The following CCDC170 variants were observed in gnomAD, a reference collection of about 807,000 sequenced individuals.
CCDC170 encodes the protein coiled-coil domain containing 170, also known as coiled-coil domain-containing protein 170.
CCDC170 carries 69 observed loss-of-function variants against 72.6 expected under a neutral mutation model. The ratio of observed to expected loss-of-function variants is 0.95; its 90% CI spans 0.78 to 1.16. CCDC170 has a LOEUF of 1.16. Among genes scored for constraint, CCDC170 ranks in the 50% most tolerant of loss-of-function variants. The probability of loss-of-function intolerance (pLI) is 0.00; values close to 1 mark genes in which losing one functional copy is unlikely to be tolerated. For missense variants in CCDC170, 852 were observed against 832.5 expected (o/e 1.02, Z -0.29); for synonymous variants, 300 against 303.9 (o/e 0.99, Z 0.13).
intron 6 of CCDC170, among the ~76,000 whole-genome samples, chr6:151,577,952 CTGG>C (rs894178311): frequency 1.3e-5 from 2 of 152,152 alleles, no homozygotes; most frequent in Non-Finnish European, 2.9e-5. Flanking sequence ...GACAAAAAGG[CTGG>C]TGATCTCTGC....
At chr6:151,596,203 C>A in intron 8 of CCDC170, 132 bp from the exon 9 acceptor site, 1 of 1,104,652 alleles carries the variant, frequency 9.1e-7, no homozygotes, top group Non-Finnish European at 1.2e-6. Context: ...AAAAGGAATC[C>A]AATGACTTTT....
At chr6:151,590,083 G>A (rs1387780880) in intron 7 of CCDC170, among the ~76,000 whole-genome samples, 3 of 151,690 alleles carry the variant, frequency 2.0e-5, no homozygotes, top group African/African-American at 2.4e-5. Context: ...TCGAGATTCA[G>A]CTCAAATACC....
At chr6:151,556,434 G>A (rs9397429) in intron 5 of CCDC170, among the ~76,000 whole-genome samples, 21,704 of 152,226 alleles carry the variant, frequency 0.14, 2,011 homozygotes, top group East Asian at 0.46. Context: ...TAGCCTGGGC[G>A]ACAAAGCGAG....
chr6:151,592,837 T>G (rs1776562791), intron 7 of CCDC170, among the ~76,000 whole-genome samples: 1 of 152,212 alleles, frequency 6.6e-6, no homozygotes, highest in South Asian at 2.1e-4. Context: ...ATGTGTTGTT[T>G]GGCAGAGTTA....
chr6:151,592,307 C>T (rs924425586), intron 7 of CCDC170, among the ~76,000 whole-genome samples: 2 of 152,074 alleles, frequency 1.3e-5, no homozygotes, highest in African/African-American at 2.4e-5. Context: ...CTGCAGTGAG[C>T]CAAGATCAAG....
chr6:151,526,519 C>CTTT (rs577450833), intron 1 of CCDC170, among the ~76,000 whole-genome samples: 12,382 of 131,324 alleles, frequency 0.094, 603 homozygotes, highest in Non-Finnish European at 0.11. Flanking sequence ...CCCGCCTGGC[C>CTTT]TTTTTTTTTT....
At chr6:151,605,926 G>A (rs1776776611) in intron 9 of CCDC170, among the ~76,000 whole-genome samples, 3 of 144,778 alleles carry the variant, frequency 2.1e-5, no homozygotes, top group South Asian at 4.4e-4. Context: ...TTTTGAGACA[G>A]AGTCTTACTC....
At chr6:151,597,174 G>C (rs1181607598) in intron 9 of CCDC170, among the ~76,000 whole-genome samples, 1 of 152,026 alleles carries the variant, frequency 6.6e-6, no homozygotes, top group Non-Finnish European at 1.5e-5. Flanking sequence ...GTCCAGGCTA[G>C]AGTGCAGTGG....
chr6:151,534,984 C>G (rs1270745318), intron 1 of CCDC170, among the ~76,000 whole-genome samples: 1 of 152,156 alleles, frequency 6.6e-6, no homozygotes, highest in Non-Finnish European at 1.5e-5. Flanking sequence ...GCCTTGGAAA[C>G]TCCATAGAGG....
chr6:151,577,812 C>T (rs1304582862), intron 6 of CCDC170, among the ~76,000 whole-genome samples: 3 of 152,194 alleles, frequency 2.0e-5, no homozygotes, highest in African/African-American at 4.8e-5. Flanking sequence ...GGAACGTGAA[C>T]GCTATTGCGA....
At chr6:151,602,891 C>G (rs1387020203) in intron 9 of CCDC170, among the ~76,000 whole-genome samples, 5 of 151,848 alleles carry the variant, frequency 3.3e-5, no homozygotes, top group Non-Finnish European at 7.4e-5. Context: ...ACCTCCACCT[C>G]CCAGGTTCAA....
In CCDC170 at chr6:151,510,068, A is replaced by T. The variant is rs576230834; in HGVS notation, c.57+15883A>T. Reference sequence around the variant, plus strand: ...AACCTGGGAGGTGGAGGTTGCGGTGAGAAAAGATTGCACCACAGCCTAGGC... The same window carrying T: ...AACCTGGGAGGTGGAGGTTGCGGTGTGAAAAGATTGCACCACAGCCTAGGC... On this transcript the variant is annotated intron_variant, in intron 1 of 10. Coordinates refer to ENST00000239374, the MANE Select transcript of CCDC170 (RefSeq NM_025059.4). 4.2e-3 allele frequency among the ~76,000 whole-genome samples: 640 copies of T among 152,356 alleles called. 5 individuals are homozygous for T. The highest frequency in any genetic ancestry group is 0.015 in the African/African-American group (612 of 41,590).
chr6:151,585,281 A>C (rs1276311029), intron 6 of CCDC170, among the ~76,000 whole-genome samples: 1 of 152,178 alleles, frequency 6.6e-6, no homozygotes, highest in African/African-American at 2.4e-5. Context: ...ATTTAGAGTC[A>C]CCATATTAAA....
chr6:151,519,950 T>C (rs1782293810), intron 1 of CCDC170, among the ~76,000 whole-genome samples: 1 of 152,230 alleles, frequency 6.6e-6, no homozygotes, highest in Non-Finnish European at 1.5e-5. Flanking sequence ...GCTTCTTTAT[T>C]GCATCCTGTT....
At chr6:151,601,875 G>C (rs780346508) in intron 9 of CCDC170, among the ~76,000 whole-genome samples, 4 of 152,220 alleles carry the variant, frequency 2.6e-5, no homozygotes, top group African/African-American at 9.6e-5. Flanking sequence ...ATCTGGGCAT[G>C]ATTGCCCAGC....
chr6:151,577,998 C>T (rs1376259565), intron 6 of CCDC170, among the ~76,000 whole-genome samples: 2 of 152,262 alleles, frequency 1.3e-5, no homozygotes, highest in South Asian at 2.1e-4. Flanking sequence ...TCACAGCCCC[C>T]TCCTCCCCAT....
intron 8 of CCDC170, among the ~76,000 whole-genome samples, chr6:151,594,761 C>T (rs535941468): frequency 3.3e-5 from 5 of 152,044 alleles, no homozygotes; most frequent in African/African-American, 1.2e-4. Context: ...AGGTGATTCT[C>T]CTGCCTCAGC....
At chr6:151,512,465 A>G (rs901711633) in intron 1 of CCDC170, among the ~76,000 whole-genome samples, 1 of 152,202 alleles carries the variant, frequency 6.6e-6, no homozygotes, top group East Asian at 1.9e-4. Context: ...CGGACCCAGT[A>G]GTATATCATT....
intron 1 of CCDC170, among the ~76,000 whole-genome samples, chr6:151,522,526 C>T (rs1191755725): frequency 6.6e-6 from 1 of 152,138 alleles, no homozygotes; most frequent in Non-Finnish European, 1.5e-5. Context: ...AAGTACTCAC[C>T]CCGTCATTCT....
Sources: gnomAD v4.1 joint callset for allele counts (sites outside exome capture counted in the v4.1 genomes callset) on GRCh38, gnomAD v4.1.1 for gene constraint, MANE v1.5 for transcripts, NCBI Gene and HGNC (gene_info 2026-07-23, HGNC 2026-07-21) for gene names.